Variants in ARHGAP1 observed in about 807,000 individuals in gnomAD.
ARHGAP1 encodes the protein rho GTPase-activating protein 1.
ARHGAP1 carries 23 observed loss-of-function variants against 52.2 expected under a neutral mutation model. That is an observed-to-expected ratio of 0.44 (90% CI 0.32 to 0.62). The LOEUF (loss-of-function observed/expected upper bound fraction) is 0.62, where lower values mean the gene tolerates loss of function less well. ARHGAP1 is among the 20% of genes least tolerant of loss of function. The pLI, the probability that ARHGAP1 is intolerant of heterozygous loss-of-function variation, is 0.05. For synonymous variants in ARHGAP1, 210 were observed against 228.4 expected (o/e 0.92, Z 0.73); for missense variants, 480 against 560.9 (o/e 0.86, Z 1.46).
chr11:46,695,928 C>G, intron 2 of ARHGAP1, 47 bp downstream of exon 2: 1 of 1,613,276 alleles, frequency 6.2e-7, no homozygotes, highest in South Asian at 1.1e-5. Flanking sequence ...AGGAGTGCTT[C>G]CCCCTCTAAA....
At chr11:46,690,279 C>T (rs1479579190) in intron 3 of ARHGAP1, among the ~76,000 whole-genome samples, 3 of 151,808 alleles carry the variant, frequency 2.0e-5, no homozygotes, top group East Asian at 1.9e-4. Context: ...CCCAGCTACT[C>T]GGGAGGCTGA....
At chr11:46,690,062 T>C (rs1463437371) in intron 3 of ARHGAP1, among the ~76,000 whole-genome samples, 1 of 152,144 alleles carries the variant, frequency 6.6e-6, no homozygotes, top group African/African-American at 2.4e-5. Flanking sequence ...TCTGATTTTA[T>C]TACTAGAATT....
chr11:46,694,655 CT>C (rs2064639051), intron 3 of ARHGAP1, among the ~76,000 whole-genome samples: 1 of 152,228 alleles, frequency 6.6e-6, no homozygotes, highest in Admixed American at 6.5e-5. Context: ...TTCAAGGTGA[CT>C]TTCCCGTGCC....
chr11:46,696,900 T>C lies in ARHGAP1; in HGVS notation c.-49-744A>G, dbSNP rs774236284. The C allele has an allele frequency of 6.6e-6, 1 of 152,066 alleles. No individual in the cohort carries two copies. The highest frequency in any genetic ancestry group is 1.5e-5 in the Non-Finnish European group (1 of 68,010). The allele number at this position is 152,066 out of a possible 1,614,324, so 9.4% of individuals were successfully genotyped here. ...AATAAAAATAAAAAAATAAAAGCTA[T>C]GGCTGAGGGGCCCAGCTGGGCTTGC... On this transcript the variant is annotated intron_variant, in intron 1 of 12. Transcript: ENST00000311956. This position sits in a 1 kb window ranked among gnomAD's most constrained non-coding sequence, Gnocchi z 4.8.
chr11:46,690,923 C>T (rs1458170315), intron 3 of ARHGAP1, among the ~76,000 whole-genome samples: 1 of 152,026 alleles, frequency 6.6e-6, no homozygotes, highest in African/African-American at 2.4e-5. Context: ...GCTCTGTCAC[C>T]CAGGCTGAAG....
At position 46,680,320 on chromosome 11, in the gene ARHGAP1, G is replaced by A; in HGVS notation, c.821-38C>T. 1.2e-6 allele frequency: 2 copies of A among 1,608,660 alleles called. No individual in the cohort carries two copies. The highest frequency in any genetic ancestry group is 1.7e-6 in the Non-Finnish European group (2 of 1,175,356). ...AGGGCCTGGTGAGCCTCCGAGCGCT[G>A]GGCACCGGCTGGATTCCCTGCCCCT... On this transcript the variant is annotated intron_variant, in intron 9 of 12. Coordinates refer to ENST00000311956, the MANE Select transcript of ARHGAP1 (RefSeq NM_004308.5). This position sits in a 1 kb window ranked among gnomAD's most constrained non-coding sequence, Gnocchi z 5.9.
At position 46,678,014 on chromosome 11, in the gene ARHGAP1, G is replaced by A. The variant is rs1028165375; in HGVS notation, c.*1023C>T. ...GGAAATTGCTAGAACCCACCTATCTGGACTGACCTATCAGCACAATCTCTG... is the reference window on the plus strand; with the variant it reads ...GGAAATTGCTAGAACCCACCTATCTAGACTGACCTATCAGCACAATCTCTG... On this transcript the variant is annotated 3_prime_UTR_variant, in exon 13 of 13. Coordinates refer to ENST00000311956, the MANE Select transcript of ARHGAP1 (RefSeq NM_004308.5). The A allele has an allele frequency of 1.9e-5, 8 of 419,238 alleles. No individual in the cohort carries two copies. Among genetic ancestry groups the A allele is most frequent in the Admixed American group, 1.8e-4 (6 of 33,314 alleles). The allele number at this position is 419,238 out of a possible 1,614,324, so 26.0% of individuals were successfully genotyped here.
chr11:46,683,643 CTT>C (rs199922376), intron 4 of ARHGAP1, among the ~76,000 whole-genome samples: 41 of 144,256 alleles, frequency 2.8e-4, no homozygotes, highest in Non-Finnish European at 3.0e-4. Context: ...AAGCCCTCTC[CTT>C]TTTTTTTTTT....
rs1358850422 is a variant in ARHGAP1, at chr11:46,696,378, A to G, written c.-49-222T>C. Among the ~76,000 whole-genome samples the G allele has an allele frequency of 6.6e-6, 1 of 152,082 alleles. No homozygotes were observed. The highest frequency in any genetic ancestry group is 1.5e-5 in the Non-Finnish European group (1 of 67,994). On this transcript the variant is annotated intron_variant, in intron 1 of 12. Transcript: ENST00000311956. The surrounding 1 kb of genome is among the most constrained non-coding windows in gnomAD (Gnocchi z 4.8). ...AAAGGCAGCTGGGGCAGAGGATGGCACAGCTCAGCGCCTCCCTCCAGGCCC... is the reference window on the plus strand; with the variant it reads ...AAAGGCAGCTGGGGCAGAGGATGGCGCAGCTCAGCGCCTCCCTCCAGGCCC...
At chr11:46,693,300 CT>C (rs754512339) in intron 3 of ARHGAP1, among the ~76,000 whole-genome samples, 132 of 143,886 alleles carry the variant, frequency 9.2e-4, no homozygotes, top group Middle Eastern at 7.3e-3. Flanking sequence ...CCTGGCTGCA[CT>C]TTTTTTTTTT....
chr11:46,681,409 C>A lies in ARHGAP1; in HGVS notation c.450-30G>T, dbSNP rs769759833. On this transcript the variant is annotated intron_variant, in intron 5 of 12. Transcript: ENST00000311956. This position sits in a 1 kb window ranked among gnomAD's most constrained non-coding sequence, Gnocchi z 5.7. ...AGAGACAGAATGGACAACTCAGGAGCAGGCGTGGTGGGACAGGTGCCACGC... is the reference window on the plus strand; with the variant it reads ...AGAGACAGAATGGACAACTCAGGAGAAGGCGTGGTGGGACAGGTGCCACGC... 6.5e-7 allele frequency: 1 copy of A among 1,548,424 alleles called. No individual in the cohort carries two copies. Among genetic ancestry groups the A allele is most frequent in the East Asian group, 2.2e-5 (1 of 44,572 alleles).
At position 46,696,300 on chromosome 11, in the gene ARHGAP1, G is replaced by T; in HGVS notation, c.-49-144C>A. The T allele has an allele frequency of 1.7e-6, 1 of 604,570 alleles. No individual in the cohort carries two copies. The highest frequency in any genetic ancestry group is 2.9e-6 in the Non-Finnish European group (1 of 349,030). 37.5% of individuals were successfully genotyped at this position (604,570 alleles called of 1,614,324 possible). ...TCAACACTCCTCATCCCCGCCAAGA[G>T]CTCCACGTAGCTCTGGGTTCTCCTG... On this transcript the variant is annotated intron_variant, in intron 1 of 12. Transcript: ENST00000311956. The surrounding 1 kb of genome is among the most constrained non-coding windows in gnomAD (Gnocchi z 4.8).
At position 46,679,494 on chromosome 11, in the gene ARHGAP1, T is replaced by C. The variant is rs1355499559; in HGVS notation, c.1028-26A>G. 6 of 1,611,716 alleles carry C rather than the reference T, an allele frequency of 3.7e-6. No homozygotes were observed. The highest frequency in any genetic ancestry group is 1.1e-5 in the South Asian group (1 of 90,980). ...CTATGAGGAAAGGAGGCCCGGGTTA[T>C]AGGGGCCCTAGGCTGGGCTGGTTCA... On this transcript the variant is annotated intron_variant, in intron 11 of 12. Coordinates refer to ENST00000311956, the MANE Select transcript of ARHGAP1 (RefSeq NM_004308.5). This position sits in a 1 kb window ranked among gnomAD's most constrained non-coding sequence, Gnocchi z 4.4.
Position 46,700,589 on chromosome 11 carries a change from G to A in ARHGAP1, c.-88C>T. 4.9e-6 allele frequency: 1 copy of A among 205,020 alleles called. No homozygotes were observed. The highest frequency in any genetic ancestry group is 1.0e-5 in the Non-Finnish European group (1 of 99,544). The allele number at this position is 205,020 out of a possible 1,614,324, so 12.7% of individuals were successfully genotyped here. ...TGCTCCCTCTGCCACGCCTGTCAAG[G>A]CTCGGCAAACATCCGGCTCCGCGGT... On this transcript the variant is annotated 5_prime_UTR_variant, in exon 1 of 13. Coordinates refer to ENST00000311956, the MANE Select transcript of ARHGAP1 (RefSeq NM_004308.5).
At chr11:46,695,954 T>A (rs2064650370) in intron 2 of ARHGAP1, 21 bp downstream of exon 2, 1 of 1,614,170 alleles carries the variant, frequency 6.2e-7, no homozygotes, top group East Asian at 2.2e-5. Context: ...TGTAGCTGCC[T>A]GAGACCAGAC....
At chr11:46,688,753 A>G (rs1055894652) in intron 3 of ARHGAP1, among the ~76,000 whole-genome samples, 1 of 151,100 alleles carries the variant, frequency 6.6e-6, no homozygotes, top group Non-Finnish European at 1.5e-5. Context: ...GGGATTACAG[A>G]TGTGAGCCAC....
Position 46,679,084 on chromosome 11 carries a change from C to A in ARHGAP1, c.1273G>T (p.Asp425Tyr). Reference protein sequence around the residue: ...PINTFTKFLLDHQGELFPSPD... With the variant: ...PINTFTKFLLYHQGELFPSPD... The stretch of plus-strand genomic sequence containing the variant: ...CTTGGGAACAGCTCCCCTTGGTGAT[C>A]CAGAAGGAACTTGGTGAAGGTGTTG... Residue 425 changes from aspartate to tyrosine, a missense_variant, in exon 13 of 13, where the codon GAT becomes TAT. By Grantham distance (160) the Asp-to-Tyr change is radical (BLOSUM62 -3). Transcript: ENST00000311956. The surrounding 1 kb of genome is among the most constrained non-coding windows in gnomAD (Gnocchi z 4.4). 1 of 1,614,170 alleles carries A rather than the reference C, an allele frequency of 6.2e-7. No individual in the cohort carries two copies. The highest frequency in any genetic ancestry group is 1.1e-5 in the South Asian group (1 of 91,082).
At chr11:46,695,148 C>T (rs2064642777) in intron 3 of ARHGAP1, 2 of 321,216 alleles carry the variant, frequency 6.2e-6, no homozygotes, top group African/African-American at 2.2e-5. Flanking sequence ...AAGCGGGGCT[C>T]TGTACCCACT....
chr11:46,689,315 G>T (rs183216936), intron 3 of ARHGAP1, among the ~76,000 whole-genome samples: 7 of 152,198 alleles, frequency 4.6e-5, no homozygotes, highest in Non-Finnish European at 1.0e-4. Context: ...ATAGGTACAT[G>T]CATAGAGACA....
Sources: gnomAD v4.1 joint callset for allele counts (sites outside exome capture counted in the v4.1 genomes callset) on GRCh38, gnomAD v4.1.1 for gene constraint, Gnocchi (gnomAD v3.1) non-coding constraint, MANE v1.5 for transcripts, NCBI Gene and HGNC (gene_info 2026-07-23, HGNC 2026-07-21) for gene names.